The following DNAJC11 variants were observed in gnomAD, a reference collection of about 807,000 sequenced individuals.
DNAJC11 encodes the protein DnaJ heat shock protein family (Hsp40) member C11.
Under a neutral mutation model 78.6 loss-of-function variants are expected in DNAJC11, and 15 were observed. The observed-to-expected ratio is 0.19, with a 90% CI of 0.13 to 0.29. The LOEUF is 0.29. Among genes scored for constraint, DNAJC11 ranks in the 10% least tolerant of loss-of-function variants. The probability of loss-of-function intolerance (pLI) is 1.00; values close to 1 mark genes in which losing one functional copy is unlikely to be tolerated. For missense variants in DNAJC11, 547 were observed against 709.6 expected (o/e 0.77, Z 2.60); for synonymous variants, 292 against 272.1 (o/e 1.07, Z -0.72).
At chr1:6,672,375 CA>C (rs1414253469) in intron 3 of DNAJC11, among the ~76,000 whole-genome samples, 2 of 152,164 alleles carry the variant, frequency 1.3e-5, no homozygotes, top group African/African-American at 4.8e-5. Flanking sequence ...TGAAGCTTCA[CA>C]AAGGCTGCAG....
Position 6,635,383 on chromosome 1 carries a change from G to T in DNAJC11, c.*292C>A. The T allele has an allele frequency of 2.7e-6, 1 of 368,130 alleles. No homozygotes were observed. 22.8% of individuals were successfully genotyped at this position (368,130 alleles called of 1,614,324 possible). ...CGGGCTGCGGTCAGCACGTGTGCTC[G>T]GGACACAGCGGAGTCAGGGCCAGAG... On this transcript the variant is annotated 3_prime_UTR_variant, in exon 16 of 16. Transcript: ENST00000377577.
At chr1:6,694,033 A>T (rs932244382) in intron 1 of DNAJC11, among the ~76,000 whole-genome samples, 1 of 151,542 alleles carries the variant, frequency 6.6e-6, no homozygotes, top group African/African-American at 2.4e-5. Flanking sequence ...ATGGGGTTTC[A>T]CCATGCTGGC....
chr1:6,645,685 C>T lies in DNAJC11; in HGVS notation c.894+104G>A, dbSNP rs1316856868. On this transcript the variant is annotated intron_variant, in intron 8 of 15. Coordinates refer to ENST00000377577, the MANE Select transcript of DNAJC11 (RefSeq NM_018198.4). The surrounding 1 kb of genome is among the most constrained non-coding windows in gnomAD (Gnocchi z 4.1). ...CCTCAGGGCCCTGTATGGGCTTAGA[C>T]TTAGTGGTGATCAGGACGCAGGATT... 2.7e-5 allele frequency: 36 copies of T among 1,351,868 alleles called. No homozygotes were observed. Among genetic ancestry groups the T allele is most frequent in the East Asian group, 6.9e-5 (3 of 43,278 alleles). 83.7% of individuals were successfully genotyped at this position (1,351,868 alleles called of 1,614,324 possible). A position where few individuals can be genotyped will look rare whatever the true frequency, so the allele number is the denominator to read the frequency against.
chr1:6,681,105 C>T (rs1642544616), intron 1 of DNAJC11, 68 bp from the exon 2 acceptor site: 16 of 1,513,558 alleles, frequency 1.1e-5, no homozygotes, highest in Non-Finnish European at 1.4e-5. Flanking sequence ...TCAGAATCAG[C>T]CTTGAAATGG....
chr1:6,655,097 GGTGC>G, intron 4 of DNAJC11, among the ~76,000 whole-genome samples: 1 of 152,130 alleles, frequency 6.6e-6, no homozygotes, highest in East Asian at 1.9e-4. Flanking sequence ...GCGCCCAGCT[GGTGC>G]TAGCTTTCTA....
At chr1:6,692,344 C>G (rs1397921304) in intron 1 of DNAJC11, among the ~76,000 whole-genome samples, 1 of 151,886 alleles carries the variant, frequency 6.6e-6, no homozygotes, top group African/African-American at 2.4e-5. Context: ...TCTCTAAACT[C>G]CACTTCCCGG....
chr1:6,681,401 G>A (rs1194631556), intron 1 of DNAJC11, among the ~76,000 whole-genome samples: 1 of 152,160 alleles, frequency 6.6e-6, no homozygotes, highest in Non-Finnish European at 1.5e-5. Context: ...AACAGAACAG[G>A]TTCAGGCAAA....
chr1:6,677,158 C>CA (rs1181692411), intron 3 of DNAJC11, among the ~76,000 whole-genome samples: 5,841 of 47,962 alleles, frequency 0.12, 571 homozygotes, highest in Non-Finnish European at 0.17. Flanking sequence ...AACTTGGTCT[C>CA]AAAAAAAAAA....
intron 1 of DNAJC11, among the ~76,000 whole-genome samples, chr1:6,691,329 C>G (rs1642742481): frequency 6.6e-6 from 1 of 152,074 alleles, no homozygotes; most frequent in Non-Finnish European, 1.5e-5. Flanking sequence ...TCCTGACTCC[C>G]AATCAGAGGT....
chr1:6,687,388 GCT>G (rs2147882731), intron 1 of DNAJC11, among the ~76,000 whole-genome samples: 1 of 125,436 alleles, frequency 8.0e-6, no homozygotes, highest in South Asian at 2.7e-4. Flanking sequence ...ACAGAGTCTC[GCT>G]CTGTCGCCCA....
chr1:6,671,518 G>A (rs1432983826), intron 3 of DNAJC11, among the ~76,000 whole-genome samples: 2 of 147,308 alleles, frequency 1.4e-5, no homozygotes, highest in African/African-American at 5.1e-5. Context: ...TTAGAGGCGT[G>A]AGCCACTGCG....
intron 1 of DNAJC11, among the ~76,000 whole-genome samples, chr1:6,682,163 CAAAA>C (rs60985504): frequency 1.7e-4 from 16 of 94,072 alleles, no homozygotes; most frequent in African/African-American, 5.6e-4. Flanking sequence ...ACCATAATTA[CAAAA>C]AAAAAAAAAA....
In DNAJC11 at chr1:6,634,902, G is replaced by A; in HGVS notation, c.*773C>T. On this transcript the variant is annotated 3_prime_UTR_variant, in exon 16 of 16. Coordinates refer to ENST00000377577, the MANE Select transcript of DNAJC11 (RefSeq NM_018198.4). Reference sequence around the variant, plus strand: ...TGCCCTTGCCCAGCACTGCACTCTGGAGGTGGGTGGTGCAGGCGGTGGAGG... The same window carrying A: ...TGCCCTTGCCCAGCACTGCACTCTGAAGGTGGGTGGTGCAGGCGGTGGAGG... The A allele has an allele frequency of 8.4e-7, 1 of 1,183,902 alleles. No individual in the cohort carries two copies. The highest frequency in any genetic ancestry group is 1.1e-6 in the Non-Finnish European group (1 of 932,500). 73.3% of individuals were successfully genotyped at this position (1,183,902 alleles called of 1,614,324 possible).
chr1:6,636,891 C>T (rs371966425), intron 14 of DNAJC11, among the ~76,000 whole-genome samples: 3 of 152,180 alleles, frequency 2.0e-5, no homozygotes, highest in African/African-American at 7.2e-5. Context: ...CTCTGTCACC[C>T]AGGCTGGAGT....
chr1:6,643,401 A>C (rs1352311465), intron 10 of DNAJC11, among the ~76,000 whole-genome samples: 1 of 150,300 alleles, frequency 6.7e-6, no homozygotes, highest in African/African-American at 2.5e-5. Flanking sequence ...TCAGCCTCCC[A>C]AGTAGCAGAG....
intron 11 of DNAJC11, among the ~76,000 whole-genome samples, chr1:6,638,676 GGATT>G (rs1333633541): frequency 6.6e-6 from 1 of 152,128 alleles, no homozygotes; most frequent in Non-Finnish European, 1.5e-5. Context: ...CAACCTTGTG[GGATT>G]ATTATTTTTT....
intron 6 of DNAJC11, among the ~76,000 whole-genome samples, chr1:6,652,295 T>C (rs1316866527): frequency 6.6e-6 from 1 of 152,206 alleles, no homozygotes; most frequent in Admixed American, 6.5e-5. Flanking sequence ...CACAGGCTTT[T>C]TGCTCAAAGG....
At chr1:6,697,978 G>A (rs1185031545) in intron 1 of DNAJC11, among the ~76,000 whole-genome samples, 1 of 152,120 alleles carries the variant, frequency 6.6e-6, no homozygotes, top group African/African-American at 2.4e-5. Flanking sequence ...TTTTAGTACA[G>A]ACGGGGTTTC....
At chr1:6,679,922 C>T (rs1357611566) in intron 2 of DNAJC11, among the ~76,000 whole-genome samples, 2 of 152,158 alleles carry the variant, frequency 1.3e-5, no homozygotes, top group Non-Finnish European at 2.9e-5. Flanking sequence ...GATCTGAATA[C>T]AGTTAAATTT....
Sources: allele counts gnomAD v4.1 joint callset (sites outside exome capture counted in the v4.1 genomes callset), GRCh38; gene constraint gnomAD v4.1.1; non-coding constraint Gnocchi (gnomAD v3.1); transcripts MANE v1.5; gene names NCBI Gene and HGNC (gene_info 2026-07-23, HGNC 2026-07-21).